Variants in RPTOR observed in about 807,000 individuals in gnomAD.
RPTOR encodes regulatory associated protein of MTOR complex 1.
A neutral mutation model predicts 169.9 loss-of-function variants in RPTOR; 21 were observed. That is an observed-to-expected ratio of 0.12 (90% CI 0.09 to 0.18). The LOEUF (loss-of-function observed/expected upper bound fraction) is 0.18. Among genes scored for constraint, RPTOR ranks in the 10% least tolerant of loss-of-function variants. The pLI, the probability that RPTOR is intolerant of heterozygous loss-of-function variation, is 1.00. For synonymous variants in RPTOR, 732 were observed against 753.2 expected, an observed-to-expected ratio of 0.97 and a Z score of 0.46; for missense variants, 1,133 against 1,855.9, an observed-to-expected ratio of 0.61 and a Z score of 7.16.
chr17:80,807,088 T>G (rs2143559797), intron 7 of RPTOR, among the ~76,000 whole-genome samples: 1 of 152,392 alleles, frequency 6.6e-6, no homozygotes, highest in East Asian at 1.9e-4. Context: ...GTATCGTAGC[T>G]GAACAACTGT....
intron 1 of RPTOR, among the ~76,000 whole-genome samples, chr17:80,563,970 T>C (rs542944140): frequency 1.2e-4 from 18 of 152,210 alleles, no homozygotes; most frequent in Non-Finnish European, 2.2e-4. Context: ...TTCACCCCCT[T>C]GGACCGCAGT....
At chr17:80,958,577 A>AT (rs1262560149) in intron 29 of RPTOR, among the ~76,000 whole-genome samples, 59 of 147,272 alleles carry the variant, frequency 4.0e-4, no homozygotes, top group Admixed American at 1.4e-3. Context: ...CGCCCAGCTA[A>AT]TTTTTTTTTT....
Position 80,947,106 on chromosome 17 carries a change from C to T in RPTOR, c.3141-121C>T, listed in dbSNP as rs2069113252. 4 of 983,194 alleles carry T rather than the reference C, an allele frequency of 4.1e-6. No homozygotes were observed. Among genetic ancestry groups the T allele is most frequent in the South Asian group, 4.0e-5 (2 of 50,282 alleles). 60.9% of individuals were successfully genotyped at this position (983,194 alleles called of 1,614,324 possible). ...AGCTAGGATGACAGGTGTGAGCCGCCGTGCCCGGCTGTGGTGTGTGGTTTT... is the reference window on the plus strand; with the variant it reads ...AGCTAGGATGACAGGTGTGAGCCGCTGTGCCCGGCTGTGGTGTGTGGTTTT... On this transcript the variant is annotated intron_variant, in intron 26 of 33. Transcript: ENST00000306801. The surrounding 1 kb of genome is among the most constrained non-coding windows in gnomAD (Gnocchi z 4.4).
intron 9 of RPTOR, among the ~76,000 whole-genome samples, chr17:80,830,864 C>G (rs545317775): frequency 6.6e-6 from 1 of 151,910 alleles, no homozygotes; most frequent in Non-Finnish European, 1.5e-5. Flanking sequence ...AATCCTCTCA[C>G]GTCAGACCCC....
intron 11 of RPTOR, among the ~76,000 whole-genome samples, chr17:80,852,864 A>C (rs2067808419): frequency 1.3e-5 from 2 of 149,190 alleles, no homozygotes; most frequent in African/African-American, 2.5e-5. Flanking sequence ...GGTGGCCGCC[A>C]TCTCCTCTCC....
At chr17:80,875,048 C>T (rs548110738) in intron 13 of RPTOR, among the ~76,000 whole-genome samples, 9 of 152,348 alleles carry the variant, frequency 5.9e-5, no homozygotes, top group Middle Eastern at 3.4e-3. Flanking sequence ...CATCATCCTG[C>T]CTCCTTATGC....
At chr17:80,787,751 C>T (rs1034380368) in intron 6 of RPTOR, among the ~76,000 whole-genome samples, 1 of 152,118 alleles carries the variant, frequency 6.6e-6, no homozygotes, top group African/African-American at 2.4e-5. Flanking sequence ...ATTTGCGTTT[C>T]TCTCATATCG....
At chr17:80,558,303 A>C (rs1448373285) in intron 1 of RPTOR, among the ~76,000 whole-genome samples, 1 of 152,182 alleles carries the variant, frequency 6.6e-6, no homozygotes, top group Non-Finnish European at 1.5e-5. Flanking sequence ...CCTGTCTCAA[A>C]AAAACCCCTG....
intron 1 of RPTOR, among the ~76,000 whole-genome samples, chr17:80,550,319 C>CTTCTG (rs1318258210): frequency 6.6e-6 from 1 of 152,212 alleles, no homozygotes; most frequent in Non-Finnish European, 1.5e-5. Context: ...TCCTCACTTG[C>CTTCTG]TTCTGTGTCT....
Position 80,730,570 on chromosome 17 carries a change from A to G in RPTOR, c.518A>G (p.Gln173Arg). The change falls in exon 5 of 34, where the codon CAG becomes CGG. Residue 173 changes from glutamine (Q) to arginine (R), a missense_variant. By Grantham distance (43) the Gln-to-Arg change is conservative. Around this residue, in one of 9 missense-constraint regions of RPTOR, gnomAD observed 74 missense variants for 168.3 expected, o/e 0.44. Coordinates refer to ENST00000306801, the MANE Select transcript of RPTOR (RefSeq NM_020761.3). This position sits in a 1 kb window ranked among gnomAD's most constrained non-coding sequence, Gnocchi z 4.2. ...TTGTGTGTTTTCTAGAACTACACGC[A>G]GTACATCCCTCTGTCCATATATGAC... ...EVWVFNKNYT[Q>R]YIPLSIYDLQ... is the part of the protein sequence containing the mutation. 6.2e-7 allele frequency: 1 copy of G among 1,613,990 alleles called. No individual in the cohort carries two copies. The highest frequency in any genetic ancestry group is 1.7e-5 in the Admixed American group (1 of 60,026).
intron 6 of RPTOR, among the ~76,000 whole-genome samples, chr17:80,761,590 A>G (rs907747617): frequency 3.3e-5 from 5 of 152,138 alleles, no homozygotes; most frequent in Non-Finnish European, 7.4e-5. Flanking sequence ...TTGCTGTGAC[A>G]TTTGCTTCGT....
intron 3 of RPTOR, among the ~76,000 whole-genome samples, chr17:80,702,368 A>C (rs888098082): frequency 1.2e-4 from 18 of 152,176 alleles, no homozygotes; most frequent in Non-Finnish European, 1.9e-4. Flanking sequence ...AATGCCTAGC[A>C]CAATAGGCTG....
intron 6 of RPTOR, among the ~76,000 whole-genome samples, chr17:80,774,535 C>T (rs544233475): frequency 3.3e-4 from 50 of 152,298 alleles, no homozygotes; most frequent in Non-Finnish European, 5.0e-4. Context: ...CAAACAGGAG[C>T]CCGGATCTTC....
chr17:80,594,392 G>A (rs978859202), intron 1 of RPTOR, among the ~76,000 whole-genome samples: 3 of 152,166 alleles, frequency 2.0e-5, no homozygotes, highest in East Asian at 1.9e-4. Context: ...ACGCCCGGCC[G>A]TGCAGTTCTT....
intron 4 of RPTOR, among the ~76,000 whole-genome samples, chr17:80,724,241 T>C (rs1448548637): frequency 6.6e-6 from 1 of 151,164 alleles, no homozygotes; most frequent in African/African-American, 2.5e-5. Context: ...CCTTGGAGCC[T>C]GTCTCCTGTT....
intron 21 of RPTOR, among the ~76,000 whole-genome samples, chr17:80,914,134 C>G (rs1257703288): frequency 2.0e-5 from 3 of 152,246 alleles, no homozygotes; most frequent in Admixed American, 6.5e-5. Context: ...GCAGTGGCAG[C>G]CAGTCTGGGA....
chr17:80,764,299 C>G (rs1229586854), intron 6 of RPTOR, among the ~76,000 whole-genome samples: 1 of 140,322 alleles, frequency 7.1e-6, no homozygotes, highest in African/African-American at 2.6e-5. Flanking sequence ...TCTCCTAATG[C>G]TATCCCTCCC....
rs202162615 is a variant in RPTOR at position 80,754,019 on chromosome 17, A to G, written c.664A>G (p.Ile222Val). ...ATGTTCTGCCCTTCAGGTAGCTGCA[A>G]TCAACCCAAATCACCCTCTTGCTCA... ...QREQELEVAA[I>V]NPNHPLAQMP... Residue 222 changes from isoleucine to valine, a missense_variant, in exon 6 of 34, where the codon ATC becomes GTC. Ile to Val is a conservative substitution (Grantham distance 29). Around this residue, in one of 9 missense-constraint regions of RPTOR, gnomAD observed 35 missense variants for 31.8 expected, o/e 1.10. Coordinates refer to ENST00000306801, the MANE Select transcript of RPTOR (RefSeq NM_020761.3). The surrounding 1 kb of genome is among the most constrained non-coding windows in gnomAD (Gnocchi z 4.2). 6.0e-5 allele frequency: 96 copies of G among 1,612,880 alleles called. No individual in the cohort carries two copies. Among genetic ancestry groups the G allele is most frequent in the Non-Finnish European group, 7.0e-5 (82 of 1,179,008 alleles).
rs543824663 is a variant in RPTOR at position 80,927,245 on chromosome 17, G to A, written c.2919+1765G>A. On this transcript the variant is annotated intron_variant, in intron 24 of 33. Coordinates refer to ENST00000306801, the MANE Select transcript of RPTOR (RefSeq NM_020761.3). ...AAAAGTCAATGGAATTTAGTCTAAT[G>A]TTAACAAGCTTGGTGTCCTTGATGC... is the stretch of plus-strand genomic sequence containing the variant. Among the ~76,000 whole-genome samples the A allele has an allele frequency of 3.7e-4, 57 of 152,352 alleles. No homozygotes were observed. In the Middle Eastern group the frequency reaches 0.017, roughly 45 times the overall value.
Sources: gnomAD v4.1 joint callset for allele counts (sites outside exome capture counted in the v4.1 genomes callset) on GRCh38, gnomAD v4.1.1 for gene constraint, gnomAD v4.1.1 regional missense constraint, Gnocchi (gnomAD v3.1) non-coding constraint, MANE v1.5 for transcripts, NCBI Gene and HGNC (gene_info 2026-07-23, HGNC 2026-07-21) for gene names.